Variants in PPFIA2 observed in about 807,000 individuals in gnomAD.
The protein encoded by PPFIA2 is liprin-alpha-2.
PPFIA2 carries 46 observed loss-of-function variants against 175.5 expected under a neutral mutation model. That is an observed-to-expected ratio of 0.26 (90% CI 0.21 to 0.34). PPFIA2 has a LOEUF of 0.34. Among genes scored for constraint, PPFIA2 ranks in the 10% least tolerant of loss-of-function variants. PPFIA2 has a pLI of 1.00. For missense variants in PPFIA2, 1,179 were observed against 1,506.1 expected (o/e 0.78, Z 3.60); for synonymous variants, 568 against 511.4 (o/e 1.11, Z -1.49).
chr12:81,719,960 T>C (rs1214776399), intron 3 of PPFIA2, among the ~76,000 whole-genome samples: 2 of 151,468 alleles, frequency 1.3e-5, no homozygotes, highest in Non-Finnish European at 3.0e-5. Context: ...TATTAATAAA[T>C]TATATCCATT....
intron 4 of PPFIA2, among the ~76,000 whole-genome samples, chr12:81,592,029 T>C (rs1317778724): frequency 1.3e-5 from 2 of 152,132 alleles, no homozygotes; most frequent in Non-Finnish European, 2.9e-5. Context: ...GGGGTGGAAT[T>C]GCCCATGACC....
chr12:81,367,478 G>C (rs914924736), intron 13 of PPFIA2, among the ~76,000 whole-genome samples: 1 of 151,550 alleles, frequency 6.6e-6, no homozygotes, highest in Non-Finnish European at 1.5e-5. Flanking sequence ...GAAACTATTG[G>C]TTATTCTTCA....
At chr12:81,379,699 G>A (rs2037207275) in intron 9 of PPFIA2, among the ~76,000 whole-genome samples, 1 of 152,028 alleles carries the variant, frequency 6.6e-6, no homozygotes. Context: ...ATTCTTCCTA[G>A]ATCAAAATCA....
chr12:81,376,363 C>T (rs1036760626), intron 9 of PPFIA2, among the ~76,000 whole-genome samples: 4 of 151,880 alleles, frequency 2.6e-5, no homozygotes, highest in Non-Finnish European at 4.4e-5. Flanking sequence ...AAATACCATC[C>T]GTATTCTTAC....
At chr12:81,284,508 A>C in intron 24 of PPFIA2, 1 of 533,520 alleles carries the variant, frequency 1.9e-6, no homozygotes, top group Middle Eastern at 4.9e-4. Flanking sequence ...AGAAAGAGGC[A>C]TTCTGTGAAG....
At chr12:81,558,539 C>T (rs533334327) in intron 4 of PPFIA2, among the ~76,000 whole-genome samples, 3 of 152,252 alleles carry the variant, frequency 2.0e-5, no homozygotes, top group South Asian at 2.1e-4. Flanking sequence ...GGATGGCCCT[C>T]GCACATTGGT....
At chr12:81,556,168 A>G (rs1222639971) in intron 4 of PPFIA2, among the ~76,000 whole-genome samples, 1 of 151,918 alleles carries the variant, frequency 6.6e-6, no homozygotes, top group African/African-American at 2.4e-5. Flanking sequence ...CAACTTTTCA[A>G]TTATCTTTAC....
At chr12:81,316,644 C>T (rs1594705449) in intron 22 of PPFIA2, among the ~76,000 whole-genome samples, 1 of 151,686 alleles carries the variant, frequency 6.6e-6, no homozygotes, top group Middle Eastern at 3.4e-3. Context: ...TCCTCCCCAT[C>T]CCCACTCTTT....
chr12:81,273,892 C>A (rs565019927), intron 28 of PPFIA2, among the ~76,000 whole-genome samples: 30 of 151,844 alleles, frequency 2.0e-4, no homozygotes, highest in Admixed American at 9.2e-4. Context: ...CGCCCCCCCC[C>A]AAACCGGTCT....
chr12:81,695,038 T>C (rs186019608), intron 3 of PPFIA2, among the ~76,000 whole-genome samples: 53 of 152,284 alleles, frequency 3.5e-4, no homozygotes, highest in Admixed American at 3.0e-3. Flanking sequence ...TATAACTGCA[T>C]TGAATCTTGG....
chr12:81,401,934 A>G (rs549509938), intron 8 of PPFIA2, among the ~76,000 whole-genome samples: 1 of 152,318 alleles, frequency 6.6e-6, no homozygotes, highest in South Asian at 2.1e-4. Context: ...CGTTTCAGTT[A>G]AGTGTATTTT....
rs1167434676 is a variant in PPFIA2, at chr12:81,258,596, C to T, written c.*1098G>A. On this transcript the variant is annotated 3_prime_UTR_variant, in exon 33 of 33. Coordinates refer to ENST00000549396, the MANE Select transcript of PPFIA2 (RefSeq NM_003625.5). ...ACTTTTATACACTATATATGTTAATCATTCTGTCTTTCATTTATTTCCTCT... is the reference window on the plus strand; with the variant it reads ...ACTTTTATACACTATATATGTTAATTATTCTGTCTTTCATTTATTTCCTCT... 1.3e-5 allele frequency: 2 copies of T among 152,118 alleles called. No homozygotes were observed. The highest frequency in any genetic ancestry group is 4.8e-5 in the African/African-American group (2 of 41,448). The allele number at this position is 152,118 out of a possible 1,614,324, so 9.4% of individuals were successfully genotyped here. A position where few individuals can be genotyped will look rare whatever the true frequency, so the allele number is the denominator to read the frequency against.
chr12:81,657,878 C>A (rs2068037049), intron 4 of PPFIA2, among the ~76,000 whole-genome samples: 1 of 151,976 alleles, frequency 6.6e-6, no homozygotes. Flanking sequence ...ATAAAAATAA[C>A]CCCCCCAACC....
At chr12:81,413,396 T>C (rs1203582458) in intron 7 of PPFIA2, among the ~76,000 whole-genome samples, 2 of 151,826 alleles carry the variant, frequency 1.3e-5, no homozygotes, top group African/African-American at 2.4e-5. Flanking sequence ...CAAATGTTCA[T>C]ATTATAGGCT....
At position 81,570,197 on chromosome 12, in the gene PPFIA2, G is replaced by A. The variant is rs541669470; in HGVS notation, c.303+106594C>T. ...GGGAATCAAAGATGATGTATTGAAA[G>A]ATAAGTTTTCACTAAACCCAGTGAT... On this transcript the variant is annotated intron_variant, in intron 4 of 32. Coordinates refer to ENST00000549396, the MANE Select transcript of PPFIA2 (RefSeq NM_003625.5). Among the ~76,000 whole-genome samples the A allele has an allele frequency of 3.9e-4, 60 of 152,280 alleles. No individual in the cohort carries two copies. In the South Asian group the frequency reaches 5.2e-3, roughly 13 times the overall value.
At chr12:81,451,180 T>A (rs1566890496) in intron 5 of PPFIA2, among the ~76,000 whole-genome samples, 1 of 152,088 alleles carries the variant, frequency 6.6e-6, no homozygotes, top group East Asian at 1.9e-4. Context: ...TATATATATA[T>A]AATGTACATT....
intron 4 of PPFIA2, among the ~76,000 whole-genome samples, chr12:81,532,540 T>C (rs2064741446): frequency 6.6e-6 from 1 of 151,766 alleles, no homozygotes; most frequent in South Asian, 2.1e-4. Context: ...AGGCTCTGGG[T>C]AGAAAATGCA....
At chr12:81,397,337 A>G (rs1271988666) in intron 8 of PPFIA2, among the ~76,000 whole-genome samples, 2 of 152,054 alleles carry the variant, frequency 1.3e-5, no homozygotes, top group African/African-American at 4.8e-5. Context: ...CAGAGAGCAG[A>G]TGCTCCAACA....
intron 17 of PPFIA2, among the ~76,000 whole-genome samples, chr12:81,352,836 C>A (rs1366518263): frequency 6.6e-6 from 1 of 152,050 alleles, no homozygotes; most frequent in African/African-American, 2.4e-5. Context: ...GAAAGTTTTG[C>A]CTTTAACTTA....
Sources: gnomAD v4.1 joint callset for allele counts (sites outside exome capture counted in the v4.1 genomes callset) on GRCh38, gnomAD v4.1.1 for gene constraint, MANE v1.5 for transcripts, NCBI Gene and HGNC (gene_info 2026-07-23, HGNC 2026-07-21) for gene names.